The following NRK variants were observed in gnomAD, a reference collection of about 807,000 sequenced individuals.
The protein encoded by NRK is Nik related kinase.
Under a neutral mutation model 125.2 loss-of-function variants are expected in NRK, and 67 were observed. That is an observed-to-expected ratio of 0.54 (90% CI 0.44 to 0.66). The LOEUF is 0.66. Among genes scored for constraint, NRK ranks in the 30% least tolerant of loss-of-function variants. NRK has a pLI of 0.00. For synonymous variants in NRK, 458 were observed against 429.0 expected (o/e 1.07, Z -0.84); for missense variants, 1,224 against 1,192.9 (o/e 1.03, Z -0.38).
chrX:105,863,357 C>CAT (rs34581278), intron 2 of NRK, among the ~76,000 whole-genome samples: 45,671 of 106,108 alleles, frequency 0.43, 7,342 homozygotes, highest in Admixed American at 0.51. Flanking sequence ...CACACACACA[C>CAT]ATACTATTTT....
At chrX:105,849,267 T>C (rs2039439857) in intron 2 of NRK, among the ~76,000 whole-genome samples, 1 of 111,646 alleles carries the variant, frequency 9.0e-6, no homozygotes, top group Non-Finnish European at 1.9e-5. Flanking sequence ...ACTTATTCAC[T>C]ATCATGAGAA....
rs775573026 is a variant in NRK at position 105,923,316 on chromosome X, G to A, written c.2809G>A (p.Glu937Lys). ...SADTDGDDDD[E>K]SNDTFEDTYD... ...TGATACTGATGGTGATGATGATGATGAGTCTAATGATACTTTTGAAGATAC... is the reference window on the plus strand; with the variant it reads ...TGATACTGATGGTGATGATGATGATAAGTCTAATGATACTTTTGAAGATAC... Residue 937 changes from glutamate to lysine, a missense_variant, in exon 18 of 29, where the codon GAG becomes AAG. By Grantham distance (56) the Glu-to-Lys change is moderately conservative. Transcript: ENST00000243300. 1.7e-6 allele frequency: 2 copies of A among 1,189,471 alleles called. No individual in the cohort carries two copies. Among genetic ancestry groups the A allele is most frequent in the African/African-American group, 1.7e-5 (1 of 57,279 alleles).
intron 2 of NRK, among the ~76,000 whole-genome samples, chrX:105,866,680 C>A (rs1254382047): frequency 9.0e-6 from 1 of 111,466 alleles, no homozygotes; most frequent in Non-Finnish European, 1.9e-5. Context: ...AATGTGAACT[C>A]AAAAAATGTA....
chrX:105,861,507 G>A (rs774597640), intron 2 of NRK, among the ~76,000 whole-genome samples: 20 of 111,474 alleles, frequency 1.8e-4, no homozygotes, highest in Non-Finnish European at 3.2e-4. Flanking sequence ...ATAGCTTTAC[G>A]TCTTACAGTT....
intron 9 of NRK, among the ~76,000 whole-genome samples, chrX:105,901,407 A>C (rs757519186): frequency 9.0e-6 from 1 of 111,709 alleles, no homozygotes; most frequent in South Asian, 3.8e-4. Flanking sequence ...CCTAAAATCC[A>C]AAAGTATAAA....
At chrX:105,906,764 CGTGTGTGTGTGTGTGT>C (rs61655627) in intron 11 of NRK, among the ~76,000 whole-genome samples, 175 bp downstream of exon 11, 17 of 87,538 alleles carry the variant, frequency 1.9e-4, no homozygotes, top group Non-Finnish European at 3.6e-4. Flanking sequence ...TTTTCTCTTG[CGTGTGTGTGTGTGTGT>C]GTGTGTGTGT....
Position 105,953,159 on chromosome X carries a change from A to C in NRK, c.4639A>C (p.Thr1547Pro). ...AATTAAGAAGCTGAGATTCCTGTGC[A>C]CCCGGGGTGACAAGGTATAGCTTAC... ...RSIKKLRFLC[T>P]RGDKLFFTST... The change falls in exon 28 of 29, where the codon ACC becomes CCC. Residue 1547 changes from threonine to proline, a missense_variant. By Grantham distance (38) the Thr-to-Pro change is conservative. Transcript: ENST00000243300. The C allele has an allele frequency of 3.4e-6, 4 of 1,187,459 alleles. No homozygotes were observed. The highest frequency in any genetic ancestry group is 3.4e-6 in the Non-Finnish European group (3 of 880,155).
At chrX:105,884,544 G>C (rs1023896424) in intron 4 of NRK, among the ~76,000 whole-genome samples, 2 of 111,578 alleles carry the variant, frequency 1.8e-5, no homozygotes, top group African/African-American at 6.5e-5. Flanking sequence ...TAGAGAATTA[G>C]CTAAGAGAGA....
rs780564047 is a variant in NRK at position 105,939,984 on chromosome X, G to T, written c.3910G>T (p.Ala1304Ser). The change falls in exon 23 of 29, where the codon GCC (alanine) becomes TCC (serine). Residue 1304 changes from alanine to serine, a missense_variant. Coordinates refer to ENST00000243300, the MANE Select transcript of NRK (RefSeq NM_198465.4). Reference protein sequence around the residue: ...RQEEMLKTEEACKAIDKLTGC... With the variant: ...RQEEMLKTEESCKAIDKLTGC... The stretch of plus-strand genomic sequence containing the variant: ...AGAAGAAATGCTGAAGACAGAGGAA[G>T]CCTGCAAAGCTATTGATAAGTTAAC... 4 of 1,188,473 alleles carry T rather than the reference G, an allele frequency of 3.4e-6. No homozygotes were observed. The highest frequency in any genetic ancestry group is 4.5e-6 in the Non-Finnish European group (4 of 881,115).
At chrX:105,937,322 C>A in intron 21 of NRK, 117 bp from the exon 22 acceptor site, 17 of 372,377 alleles carry the variant, frequency 4.6e-5, no homozygotes, top group South Asian at 1.6e-4. Context: ...GTGAATATAG[C>A]CTAAACTGAT....
chrX:105,895,887 A>G (rs1420257783), intron 7 of NRK, among the ~76,000 whole-genome samples: 1 of 112,297 alleles, frequency 8.9e-6, no homozygotes, highest in Non-Finnish European at 1.9e-5. Context: ...AGGGATTTAA[A>G]AAAATAAAAA....
chrX:105,883,324 A>G (rs768160412), intron 4 of NRK, among the ~76,000 whole-genome samples: 6 of 112,390 alleles, frequency 5.3e-5, no homozygotes, highest in Non-Finnish European at 1.1e-4. Context: ...GAATTATCTG[A>G]TTATGTATTT....
chrX:105,828,417 A>T lies in NRK; in HGVS notation c.58-2637A>T, dbSNP rs1188452782. On this transcript the variant is annotated intron_variant, in intron 1 of 28. Coordinates refer to ENST00000243300, the MANE Select transcript of NRK (RefSeq NM_198465.4). ...CTTTTTTGAATAATTAGGTAACTGT[A>T]TTCAAATCAGGGTAAAGTATTTATG... is the stretch of plus-strand genomic sequence containing the variant. Among the ~76,000 whole-genome samples the T allele has an allele frequency of 2.7e-5, 3 of 111,469 alleles. No individual in the cohort carries two copies. The Admixed American group carries it at 2.9e-4, about 11-fold the overall frequency.
At chrX:105,923,909 A>ATATAT (rs1413207716) in intron 18 of NRK, among the ~76,000 whole-genome samples, 1 of 87,891 alleles carries the variant, frequency 1.1e-5, no homozygotes, top group African/African-American at 4.8e-5. Context: ...ATATATATAT[A>ATATAT]TATATATATA....
At chrX:105,920,661 G>A (rs1273612400) in intron 16 of NRK, among the ~76,000 whole-genome samples, 1 of 110,268 alleles carries the variant, frequency 9.1e-6, no homozygotes, top group African/African-American at 3.3e-5. Context: ...CCATCAAAAA[G>A]TGGGCGAAGG....
intron 19 of NRK, among the ~76,000 whole-genome samples, chrX:105,927,329 G>A (rs776254806): frequency 9.0e-6 from 1 of 111,463 alleles, no homozygotes; most frequent in Non-Finnish European, 1.9e-5. Context: ...TGCTGATTTT[G>A]TATCTTGCAA....
rs189294058 is a variant in NRK, at chrX:105,912,625, T to C, written c.2242-23T>C. ...TGCATTTTAACAACAATTAAAACAATTACTTTCCTTTTTGTTTCAAAGGAC... is the reference window on the plus strand; with the variant it reads ...TGCATTTTAACAACAATTAAAACAACTACTTTCCTTTTTGTTTCAAAGGAC... On this transcript the variant is annotated intron_variant, in intron 13 of 28. Coordinates refer to ENST00000243300, the MANE Select transcript of NRK (RefSeq NM_198465.4). The C allele has an allele frequency of 2.7e-5, 23 of 837,551 alleles. No individual in the cohort carries two copies. In the African/African-American group the frequency reaches 3.8e-4, roughly 14 times the overall value. 69.0% of individuals were successfully genotyped at this position (837,551 alleles called of 1,213,427 possible). A position where few individuals can be genotyped will look rare whatever the true frequency, so the allele number is the denominator to read the frequency against.
chrX:105,846,083 C>T (rs994557256), intron 2 of NRK, among the ~76,000 whole-genome samples: 8 of 111,165 alleles, frequency 7.2e-5, no homozygotes, highest in African/African-American at 1.6e-4. Flanking sequence ...AGTCACTCTC[C>T]GGTTTTATTA....
intron 4 of NRK, among the ~76,000 whole-genome samples, chrX:105,882,302 C>T (rs1569300397): frequency 9.1e-6 from 1 of 109,558 alleles, no homozygotes; most frequent in Non-Finnish European, 1.9e-5. Flanking sequence ...AAACCAACCA[C>T]TTAGCCTCAA....
Sources: gnomAD v4.1 joint callset for allele counts (sites outside exome capture counted in the v4.1 genomes callset) on GRCh38, gnomAD v4.1.1 for gene constraint, MANE v1.5 for transcripts, NCBI Gene and HGNC (gene_info 2026-07-23, HGNC 2026-07-21) for gene names.